Variants in CELF5 observed in about 807,000 individuals in gnomAD.
CELF5 encodes the protein CUGBP Elav-like family member 5, also known as CUG-BP and ETR-3 like factor 5.
CELF5 carries 6 observed loss-of-function variants against 54.9 expected under a neutral mutation model. The observed-to-expected ratio is 0.11, with a 90% CI of 0.06 to 0.22. CELF5 has a LOEUF of 0.22. Among genes scored for constraint, CELF5 ranks in the 10% least tolerant of loss-of-function variants. The pLI, the probability that CELF5 is intolerant of heterozygous loss-of-function variation, is 1.00. For synonymous variants in CELF5, 271 were observed against 290.9 expected, an observed-to-expected ratio of 0.93 and a Z score of 0.70; for missense variants, 401 against 678.6, an observed-to-expected ratio of 0.59 and a Z score of 4.54.
chr19:3,288,386 G>T (rs1396293333), intron 10 of CELF5, among the ~76,000 whole-genome samples: 1 of 152,026 alleles, frequency 6.6e-6, no homozygotes, highest in East Asian at 1.9e-4. Context: ...GCCGGGCGTG[G>T]TGACGCATGC....
At chr19:3,225,513 A>T in intron 1 of CELF5, 1 of 803,682 alleles carries the variant, frequency 1.2e-6, no homozygotes, top group South Asian at 6.1e-5. Context: ...CCGTCGGGGA[A>T]GTTTGCACCT....
At chr19:3,280,597 G>T (rs906354104) in intron 5 of CELF5, among the ~76,000 whole-genome samples, 1 of 151,966 alleles carries the variant, frequency 6.6e-6, no homozygotes. Flanking sequence ...AAAAAAATCC[G>T]GGTCCGAACT....
chr19:3,281,378 G>A lies in CELF5; in HGVS notation c.750+33G>A. 1 of 1,579,334 alleles carries A rather than the reference G, an allele frequency of 6.3e-7. No individual in the cohort carries two copies. ...ACCCAGTGACAGCTTCGGGGCTCCG[G>A]CTCCGTCTCTCTCAGTCTCTGTCTA... On this transcript the variant is annotated intron_variant, in intron 6 of 12. Coordinates refer to ENST00000292672, the MANE Select transcript of CELF5 (RefSeq NM_021938.4). The surrounding 1 kb of genome is among the most constrained non-coding windows in gnomAD (Gnocchi z 6.5).
intron 1 of CELF5, among the ~76,000 whole-genome samples, chr19:3,231,777 G>T (rs1051195443): frequency 2.1e-5 from 3 of 145,552 alleles, no homozygotes; most frequent in Non-Finnish European, 4.5e-5. Flanking sequence ...TGGGTTGGTG[G>T]GTCAATGAGT....
At chr19:3,287,310 A>G (rs987570802) in intron 10 of CELF5, among the ~76,000 whole-genome samples, 1 of 150,990 alleles carries the variant, frequency 6.6e-6, no homozygotes, top group Non-Finnish European at 1.5e-5. Flanking sequence ...CTGTAATCCT[A>G]GCATTTTGGG....
intron 11 of CELF5, among the ~76,000 whole-genome samples, chr19:3,290,658 G>A (rs1183128679): frequency 6.6e-6 from 1 of 150,742 alleles, no homozygotes; most frequent in Non-Finnish European, 1.5e-5. Flanking sequence ...CTGCGTCCCG[G>A]GTTCACGCCA....
At chr19:3,238,490 G>T (rs1169741173) in intron 1 of CELF5, among the ~76,000 whole-genome samples, 3 of 152,134 alleles carry the variant, frequency 2.0e-5, no homozygotes, top group African/African-American at 4.8e-5. Context: ...AGCTATCAAG[G>T]TGTGGGTAGG....
intron 12 of CELF5, chr19:3,294,600 G>T: frequency 6.6e-6 from 1 of 152,068 alleles, no homozygotes. Context: ...ATCCAAAGCT[G>T]CTCTCTGCGA....
chr19:3,238,220 T>C (rs2079444073), intron 1 of CELF5, among the ~76,000 whole-genome samples: 5 of 152,066 alleles, frequency 3.3e-5, no homozygotes, highest in Admixed American at 3.3e-4. Context: ...TGGGCAGTAG[T>C]GGCAAGAGTT....
Position 3,282,114 on chromosome 19 carries a change from CT to C in CELF5, c.751-10del. 4 of 1,614,128 alleles carry C rather than the reference CT, an allele frequency of 2.5e-6. No homozygotes were observed. Among genetic ancestry groups the C allele is most frequent in the Non-Finnish European group, 3.4e-6 (4 of 1,180,002 alleles). On this transcript the variant is annotated splice_polypyrimidine_tract_variant and intron_variant, in intron 6 of 12. Transcript: ENST00000292672. This position sits in a 1 kb window ranked among gnomAD's most constrained non-coding sequence, Gnocchi z 5.2. The stretch of plus-strand genomic sequence containing the variant: ...AGATATCACCCCAACTGTGACATGT[CT>C]TCACCCCCAGCTCATGCAACAGCAG...
At chr19:3,264,235 C>T (rs886741550) in intron 2 of CELF5, among the ~76,000 whole-genome samples, 1 of 151,566 alleles carries the variant, frequency 6.6e-6, no homozygotes, top group African/African-American at 2.4e-5. Flanking sequence ...ATAGTGACAC[C>T]CCATCTGAAA....
At chr19:3,288,616 G>A (rs1411069576) in intron 10 of CELF5, among the ~76,000 whole-genome samples, 1 of 152,130 alleles carries the variant, frequency 6.6e-6, no homozygotes, top group East Asian at 1.9e-4. Context: ...GGCAGGGCAA[G>A]GCAGAAGGAT....
chr19:3,239,982 A>G (rs2079468362), intron 1 of CELF5, among the ~76,000 whole-genome samples: 2 of 148,208 alleles, frequency 1.3e-5, no homozygotes, highest in Admixed American at 1.4e-4. Flanking sequence ...GTCCCCTCCA[A>G]TGGCATCCCC....
intron 1 of CELF5, 27 bp downstream of exon 1, chr19:3,225,025 TCCCCCTCC>T: frequency 1.0e-6 from 1 of 956,716 alleles, no homozygotes; most frequent in Non-Finnish European, 1.3e-6. Context: ...CTCCCCCCTC[TCCCCCTCC>T]CTCCGCCTCC....
At chr19:3,260,258 G>A (rs1483989278) in intron 2 of CELF5, among the ~76,000 whole-genome samples, 1 of 147,394 alleles carries the variant, frequency 6.8e-6, no homozygotes, top group Non-Finnish European at 1.5e-5. Context: ...CTGGGATCAT[G>A]GGCACCCACC....
At chr19:3,261,550 G>A (rs574555047) in intron 2 of CELF5, among the ~76,000 whole-genome samples, 2 of 152,238 alleles carry the variant, frequency 1.3e-5, no homozygotes, top group African/African-American at 4.8e-5. Flanking sequence ...AGGCCTGGTG[G>A]TTCTCACACC....
chr19:3,255,148 C>T (rs2079705956), intron 2 of CELF5, among the ~76,000 whole-genome samples: 1 of 152,100 alleles, frequency 6.6e-6, no homozygotes, highest in Non-Finnish European at 1.5e-5. Flanking sequence ...CAGTCCCCAT[C>T]CCCCTAGACC....
At chr19:3,288,708 C>T (rs948876994) in intron 10 of CELF5, among the ~76,000 whole-genome samples, 2 of 152,102 alleles carry the variant, frequency 1.3e-5, no homozygotes, top group South Asian at 4.2e-4. Flanking sequence ...GTTAGCCAGG[C>T]ATGGTGGTGC....
At chr19:3,285,551 T>C (rs577387950) in intron 9 of CELF5, among the ~76,000 whole-genome samples, 2,121 of 130,520 alleles carry the variant, frequency 0.016, 51 homozygotes, top group African/African-American at 0.058. Flanking sequence ...CCCTCCACTG[T>C]GACCCCACCC....
Sources: allele counts gnomAD v4.1 joint callset (sites outside exome capture counted in the v4.1 genomes callset), GRCh38; gene constraint gnomAD v4.1.1; non-coding constraint Gnocchi (gnomAD v3.1); transcripts MANE v1.5; gene names NCBI Gene and HGNC (gene_info 2026-07-23, HGNC 2026-07-21).